The following PPP6C variants were observed in gnomAD, a reference collection of about 807,000 sequenced individuals.
The protein encoded by PPP6C is protein phosphatase 6 catalytic subunit, also known as serine/threonine-protein phosphatase 6 catalytic subunit.
In PPP6C, 11 loss-of-function variants were observed where a neutral mutation model predicts 39.8. The observed-to-expected ratio is 0.28, with a 90% CI of 0.17 to 0.46. The LOEUF (loss-of-function observed/expected upper bound fraction) is 0.46, where lower values mean the gene tolerates loss of function less well. Ranked by LOEUF, PPP6C falls within the 20% of genes least tolerant of loss-of-function variation. The pLI is 1.00. For missense variants in PPP6C, 211 were observed against 373.9 expected (o/e 0.56, Z 3.59); for synonymous variants, 129 against 130.3 (o/e 0.99, Z 0.07).
At chr9:125,188,578 G>C (rs1174677884) in intron 1 of PPP6C, among the ~76,000 whole-genome samples, 1 of 151,912 alleles carries the variant, frequency 6.6e-6, no homozygotes, top group Non-Finnish European at 1.5e-5. Flanking sequence ...TTGAGGTCAG[G>C]AGTTCAAGAC....
intron 6 of PPP6C, among the ~76,000 whole-genome samples, chr9:125,152,557 G>A (rs546759175): frequency 5.3e-5 from 8 of 152,264 alleles, no homozygotes; most frequent in South Asian, 2.1e-4. Flanking sequence ...TAGGCTGGGC[G>A]CGGTGGCTCA....
At chr9:125,177,138 G>A (rs1477394285) in intron 1 of PPP6C, among the ~76,000 whole-genome samples, 4 of 152,126 alleles carry the variant, frequency 2.6e-5, no homozygotes, top group Admixed American at 6.6e-5. Flanking sequence ...ACTTTGGGGG[G>A]TCGAGGCAGG....
chr9:125,149,969 C>T (rs779083839), intron 6 of PPP6C, 48 bp from the exon 7 acceptor site: 17 of 1,581,198 alleles, frequency 1.1e-5, no homozygotes, highest in African/African-American at 5.4e-5. Context: ...AAAAAACAAT[C>T]GGCCTACATA....
At chr9:125,189,623 G>A (rs1829619538) in intron 1 of PPP6C, 21 bp downstream of exon 1, 2 of 1,612,370 alleles carry the variant, frequency 1.2e-6, no homozygotes, top group African/African-American at 2.7e-5. Context: ...CGGAAGGGGC[G>A]AGCCCGCAAA....
At chr9:125,150,464 A>T (rs1396745213) in intron 6 of PPP6C, among the ~76,000 whole-genome samples, 1 of 149,098 alleles carries the variant, frequency 6.7e-6, no homozygotes, top group Non-Finnish European at 1.5e-5. Context: ...AAAACAGTTG[A>T]AAGTTCAAAG....
intron 6 of PPP6C, among the ~76,000 whole-genome samples, chr9:125,152,587 T>C (rs1835975124): frequency 6.6e-6 from 1 of 152,140 alleles, no homozygotes; most frequent in Non-Finnish European, 1.5e-5. Flanking sequence ...TCCCAGCACC[T>C]TGGGAGACCA....
chr9:125,150,671 C>T (rs937935894), intron 6 of PPP6C: 13 of 965,962 alleles, frequency 1.3e-5, no homozygotes, highest in South Asian at 9.9e-5. Context: ...AAATCTTCAG[C>T]GGCAGCTCCC....
At chr9:125,161,977 CACTT>C (rs1333141444) in intron 2 of PPP6C, among the ~76,000 whole-genome samples, 1 of 151,784 alleles carries the variant, frequency 6.6e-6, no homozygotes, top group African/African-American at 2.4e-5. Context: ...AAACTTTTAA[CACTT>C]AATAGGAATG....
At chr9:125,159,036 G>A (rs1182516962) in intron 3 of PPP6C, among the ~76,000 whole-genome samples, 1 of 117,994 alleles carries the variant, frequency 8.5e-6, no homozygotes, top group East Asian at 2.6e-4. Context: ...TATTTTTTAA[G>A]TTTTTTTTTT....
intron 2 of PPP6C, among the ~76,000 whole-genome samples, 194 bp from the exon 3 acceptor site, chr9:125,161,100 C>A (rs1037920849): frequency 6.6e-6 from 1 of 152,156 alleles, no homozygotes; most frequent in East Asian, 1.9e-4. Flanking sequence ...AGCTCAGTTA[C>A]CATAAAGTCA....
At chr9:125,172,709 G>C (rs1038503187) in intron 1 of PPP6C, among the ~76,000 whole-genome samples, 3 of 139,480 alleles carry the variant, frequency 2.2e-5, no homozygotes, top group Non-Finnish European at 4.6e-5. Context: ...GCAAAGAACT[G>C]AATACACACA....
intron 3 of PPP6C, among the ~76,000 whole-genome samples, chr9:125,159,346 G>C (rs549263175): frequency 6.6e-6 from 1 of 151,352 alleles, no homozygotes; most frequent in African/African-American, 2.4e-5. Flanking sequence ...ACTGCGCCCG[G>C]CCAAGTAATT....
intron 1 of PPP6C, among the ~76,000 whole-genome samples, chr9:125,173,636 T>G (rs1425388018): frequency 6.6e-6 from 1 of 151,946 alleles, no homozygotes; most frequent in Non-Finnish European, 1.5e-5. Flanking sequence ...TTTATTTTTT[T>G]GAGACAGAAT....
intron 1 of PPP6C, 121 bp from the exon 2 acceptor site, chr9:125,171,301 A>C: frequency 1.5e-6 from 1 of 682,022 alleles, no homozygotes; most frequent in Non-Finnish European, 2.3e-6. Flanking sequence ...TTTTGATAGG[A>C]AAGTACCCTG....
At chr9:125,188,572 G>A (rs1390950002) in intron 1 of PPP6C, among the ~76,000 whole-genome samples, 1 of 151,948 alleles carries the variant, frequency 6.6e-6, no homozygotes, top group African/African-American at 2.4e-5. Flanking sequence ...GATCACTTGA[G>A]GTCAGGAGTT....
chr9:125,182,066 T>C (rs1829432306), intron 1 of PPP6C, among the ~76,000 whole-genome samples: 1 of 152,242 alleles, frequency 6.6e-6, no homozygotes, highest in African/African-American at 2.4e-5. Context: ...CTCTTTTTCA[T>C]ATGTTTGGTG....
chr9:125,176,518 G>C (rs1317125838), intron 1 of PPP6C, among the ~76,000 whole-genome samples: 1 of 152,190 alleles, frequency 6.6e-6, no homozygotes, highest in Non-Finnish European at 1.5e-5. Context: ...CTAGCTGGGC[G>C]TGGTGGCATG....
intron 1 of PPP6C, among the ~76,000 whole-genome samples, chr9:125,187,094 C>T (rs752994324): frequency 1.3e-5 from 2 of 150,692 alleles, no homozygotes; most frequent in Non-Finnish European, 2.9e-5. Flanking sequence ...TTCCAAGCAC[C>T]TGCCACCACC....
intron 1 of PPP6C, among the ~76,000 whole-genome samples, chr9:125,173,604 A>G (rs1329636389): frequency 1.3e-5 from 2 of 151,670 alleles, no homozygotes; most frequent in Non-Finnish European, 2.9e-5. Context: ...AACAACAACA[A>G]AAAAGATGAG....
Sources: gnomAD v4.1 joint callset for allele counts (sites outside exome capture counted in the v4.1 genomes callset) on GRCh38, gnomAD v4.1.1 for gene constraint, MANE v1.5 for transcripts, NCBI Gene and HGNC (gene_info 2026-07-23, HGNC 2026-07-21) for gene names.